The following RCSD1 variants were observed in gnomAD, a reference collection of about 807,000 sequenced individuals.
RCSD1 encodes capZ-interacting protein.
Under a neutral mutation model 42.5 loss-of-function variants are expected in RCSD1, and 26 were observed. That is an observed-to-expected ratio of 0.61 (90% CI 0.45 to 0.85). RCSD1 has a LOEUF of 0.85. Among genes scored for constraint, RCSD1 ranks in the 40% least tolerant of loss-of-function variants. RCSD1 has a pLI of 0.00. For missense variants in RCSD1, 571 were observed against 528.3 expected (o/e 1.08, Z -0.79); for synonymous variants, 220 against 212.2 (o/e 1.04, Z -0.32).
At chr1:167,668,287 G>GAA (rs760541289) in intron 1 of RCSD1, among the ~76,000 whole-genome samples, 1 of 142,602 alleles carries the variant, frequency 7.0e-6, no homozygotes, top group Non-Finnish European at 1.5e-5. Context: ...TCCGTCTCCA[G>GAA]AAAAAAAAAA....
intron 6 of RCSD1, among the ~76,000 whole-genome samples, chr1:167,700,467 T>C (rs986006119): frequency 3.3e-5 from 5 of 151,776 alleles, no homozygotes; most frequent in African/African-American, 1.2e-4. Context: ...GCTAACACAG[T>C]GAAACCCCGT....
In RCSD1 at chr1:167,704,963, C is replaced by T. The variant is rs1659723387; in HGVS notation, c.*267C>T. ...GACTTGGTTCAACAACAAGAACTTA[C>T]TTAAAACAATGTACTGTGGTGATGA... On this transcript the variant is annotated 3_prime_UTR_variant, in exon 7 of 7. Coordinates refer to ENST00000367854, the MANE Select transcript of RCSD1 (RefSeq NM_052862.4). The T allele has an allele frequency of 7.0e-6, 3 of 428,442 alleles. No homozygotes were observed. Among genetic ancestry groups the T allele is most frequent in the Non-Finnish European group, 1.3e-5 (3 of 228,580 alleles). The allele number at this position is 428,442 out of a possible 1,614,324, so 26.5% of individuals were successfully genotyped here. A position where few individuals can be genotyped will look rare whatever the true frequency, so the allele number is the denominator to read the frequency against.
rs66925392 is a variant in RCSD1 at position 167,637,730 on chromosome 1, C to CCACACACACA, written c.6+7327_6+7336dup. Among the ~76,000 whole-genome samples the CCACACACACA allele has an allele frequency of 9.2e-4, 135 of 146,830 alleles. 2 individuals carry two copies. The highest frequency in any genetic ancestry group is 3.3e-3 in the African/African-American group (130 of 39,764). ...ACAGAAAGAGGGCTCTAGGAATAGA[C>CCACACACACA]CACACACACACACACACACACACAC... On this transcript the variant is annotated intron_variant, in intron 1 of 6. Transcript: ENST00000367854.
chr1:167,673,887 C>T (rs1198005537), intron 1 of RCSD1, among the ~76,000 whole-genome samples: 1 of 152,204 alleles, frequency 6.6e-6, no homozygotes, highest in South Asian at 2.1e-4. Flanking sequence ...CAAGACTCTG[C>T]GTAAACATCA....
intron 1 of RCSD1, among the ~76,000 whole-genome samples, chr1:167,659,045 C>A (rs1283130258): frequency 6.6e-6 from 1 of 152,182 alleles, no homozygotes; most frequent in Admixed American, 6.5e-5. Flanking sequence ...ATTTCCCCAA[C>A]CGCAATTGCT....
At chr1:167,701,257 TTTC>T (rs962906326) in intron 6 of RCSD1, among the ~76,000 whole-genome samples, 1 of 82,222 alleles carries the variant, frequency 1.2e-5, no homozygotes, top group Non-Finnish European at 2.4e-5. Flanking sequence ...GCCTAGTTTC[TTTC>T]TTTCTTTCTT....
Position 167,697,826 on chromosome 1 carries a change from C to T in RCSD1, c.1202C>T (p.Ala401Val). ...ETSSEVQSEP[A>V]VPKPEDDTPV... ...AGCAGTGAGGTCCAGAGCGAGCCAGCAGTCCCCAAGCCGGAGGTAGGTGGC... is the reference window on the plus strand; with the variant it reads ...AGCAGTGAGGTCCAGAGCGAGCCAGTAGTCCCCAAGCCGGAGGTAGGTGGC... The change falls in exon 6 of 7, where the codon GCA becomes GTA. Residue 401 changes from alanine to valine, a missense_variant. Physicochemically the swap from Ala to Val is moderately conservative, Grantham distance 64. Coordinates refer to ENST00000367854, the MANE Select transcript of RCSD1 (RefSeq NM_052862.4). 6.8e-7 allele frequency: 1 copy of T among 1,465,912 alleles called. No individual in the cohort carries two copies. Among genetic ancestry groups the T allele is most frequent in the Non-Finnish European group, 9.0e-7 (1 of 1,108,864 alleles). 90.8% of individuals were successfully genotyped at this position (1,465,912 alleles called of 1,614,324 possible).
intron 5 of RCSD1, among the ~76,000 whole-genome samples, chr1:167,694,563 C>T (rs1191705343): frequency 6.6e-6 from 1 of 152,132 alleles, no homozygotes; most frequent in African/African-American, 2.4e-5. Flanking sequence ...TGGGGGATGG[C>T]GTGCTCTCTC....
chr1:167,694,760 C>A (rs17538999), intron 5 of RCSD1, among the ~76,000 whole-genome samples: 7,050 of 152,274 alleles, frequency 0.046, 218 homozygotes, highest in Middle Eastern at 0.12. Flanking sequence ...AGTGTGGACT[C>A]AAATCATTCT....
At chr1:167,648,925 T>C (rs893396695) in intron 1 of RCSD1, among the ~76,000 whole-genome samples, 32 of 152,234 alleles carry the variant, frequency 2.1e-4, no homozygotes, top group Non-Finnish European at 1.8e-4. Context: ...CTGTGTCAGA[T>C]TCTGTGCTGG....
At chr1:167,658,240 A>G (rs1341685962) in intron 1 of RCSD1, among the ~76,000 whole-genome samples, 2 of 152,214 alleles carry the variant, frequency 1.3e-5, no homozygotes, top group African/African-American at 4.8e-5. Context: ...AGGATACTTT[A>G]CATTCACATA....
chr1:167,704,611 G>T, intron 6 of RCSD1, 53 bp from the exon 7 acceptor site: 1 of 1,500,992 alleles, frequency 6.7e-7, no homozygotes, highest in Non-Finnish European at 9.3e-7. Flanking sequence ...GATGCTGAGT[G>T]TCAGGATTTC....
rs1468687628 is a variant in RCSD1 at position 167,704,944 on chromosome 1, G to A, written c.*248G>A. 2.1e-6 allele frequency: 1 copy of A among 466,034 alleles called. No homozygotes were observed. Among genetic ancestry groups the A allele is most frequent in the Non-Finnish European group, 4.0e-6 (1 of 251,630 alleles). 28.9% of individuals were successfully genotyped at this position (466,034 alleles called of 1,614,324 possible). The stretch of plus-strand genomic sequence containing the variant: ...GAGTTTATGTCATTTGATGGACTTG[G>A]TTCAACAACAAGAACTTACTTAAAA... On this transcript the variant is annotated 3_prime_UTR_variant, in exon 7 of 7. Transcript: ENST00000367854.
At chr1:167,649,382 A>G (rs1385873492) in intron 1 of RCSD1, among the ~76,000 whole-genome samples, 2 of 152,334 alleles carry the variant, frequency 1.3e-5, no homozygotes, top group East Asian at 1.9e-4. Flanking sequence ...GGAGAGTCCA[A>G]GGGGCTAGCC....
At chr1:167,702,624 C>CA (rs1305244128) in intron 6 of RCSD1, among the ~76,000 whole-genome samples, 11 of 152,014 alleles carry the variant, frequency 7.2e-5, no homozygotes, top group African/African-American at 2.4e-4. Context: ...ACTAAAAATA[C>CA]AAAAATTAGC....
At chr1:167,636,404 A>G (rs1371717217) in intron 1 of RCSD1, among the ~76,000 whole-genome samples, 1 of 152,232 alleles carries the variant, frequency 6.6e-6, no homozygotes, top group Non-Finnish European at 1.5e-5. Context: ...CATTATCTCC[A>G]GCCAAAAATT....
At chr1:167,700,865 C>T (rs1229371036) in intron 6 of RCSD1, among the ~76,000 whole-genome samples, 1 of 152,136 alleles carries the variant, frequency 6.6e-6, no homozygotes, top group East Asian at 1.9e-4. Flanking sequence ...TTAGGAGACA[C>T]CTGCCTTGCC....
At chr1:167,660,470 GT>G (rs370176232) in intron 1 of RCSD1, among the ~76,000 whole-genome samples, 1 of 140,956 alleles carries the variant, frequency 7.1e-6, no homozygotes, top group African/African-American at 2.9e-5. Flanking sequence ...TTAATTCACT[GT>G]TTTGTTTTTT....
At chr1:167,637,995 C>T (rs760596241) in intron 1 of RCSD1, among the ~76,000 whole-genome samples, 6 of 152,354 alleles carry the variant, frequency 3.9e-5, no homozygotes, top group East Asian at 3.8e-4. Context: ...CCAGCACCCA[C>T]GCCACAGGTC....
Sources: gnomAD v4.1 joint callset for allele counts (sites outside exome capture counted in the v4.1 genomes callset) on GRCh38, gnomAD v4.1.1 for gene constraint, MANE v1.5 for transcripts, NCBI Gene and HGNC (gene_info 2026-07-23, HGNC 2026-07-21) for gene names.